Variants in PLPP1 observed in about 807,000 individuals in gnomAD.
PLPP1 encodes the protein lipid phosphate phosphohydrolase 1a.
PLPP1 carries 24 observed loss-of-function variants against 31.2 expected under a neutral mutation model. That is an observed-to-expected ratio of 0.77 (90% confidence interval 0.56 to 1.08). The LOEUF (loss-of-function observed/expected upper bound fraction) is 1.08, where lower values mean the gene tolerates loss of function less well. PLPP1 is among the 50% of genes least tolerant of loss of function. The pLI, the probability that PLPP1 is intolerant of heterozygous loss-of-function variation, is 0.00. For synonymous variants in PLPP1, 146 were observed against 126.3 expected, an observed-to-expected ratio of 1.16 and a Z score of -1.05; for missense variants, 319 against 342.7, an observed-to-expected ratio of 0.93 and a Z score of 0.55.
chr5:55,522,864 G>A lies in PLPP1; in HGVS notation c.58+11708C>T, dbSNP rs1376287182. 2.0e-5 allele frequency among the ~76,000 whole-genome samples: 3 copies of A among 152,106 alleles called. 1 individual carries two copies. The highest frequency in any genetic ancestry group is 1.3e-4 in the Admixed American group (2 of 15,276). On this transcript the variant is annotated intron_variant, in intron 1 of 5. Coordinates refer to ENST00000307259, the MANE Select transcript of PLPP1 (RefSeq NM_003711.4). ...CTCCTGAGTAGCTGGGACTACAGGC[G>A]CCCGCCACCACGCCCAGCTAATTTT... is the stretch of plus-strand genomic sequence containing the variant.
At chr5:55,533,858 G>T (rs1460985172) in intron 1 of PLPP1, among the ~76,000 whole-genome samples, 5 of 152,128 alleles carry the variant, frequency 3.3e-5, no homozygotes, top group South Asian at 4.1e-4. Context: ...CCTCATAACT[G>T]AACTCTTCCA....
At position 55,467,953 on chromosome 5, in the gene PLPP1, G is replaced by A. The variant is rs1350165203; in HGVS notation, c.407C>T (p.Pro136Leu). Residue 136 changes from proline (P) to leucine (L), a missense_variant, in exon 3 of 6, where the codon CCA becomes CTA. Pro to Leu is a moderately conservative substitution (Grantham distance 98, BLOSUM62 -3). Coordinates refer to ENST00000307259, the MANE Select transcript of PLPP1 (RefSeq NM_003711.4). ...LRPHFLDVCD[P>L]DWSKINCSDG... ...GCTGCAGTTGATTTTTGACCAATCT[G>A]GATCACAAACATCCAAGAAGTGAGG... is the stretch of plus-strand genomic sequence containing the variant. 1 of 1,614,104 alleles carries A rather than the reference G, an allele frequency of 6.2e-7. No individual in the cohort carries two copies. The highest frequency in any genetic ancestry group is 1.7e-5 in the Admixed American group (1 of 60,016).
intron 4 of PLPP1, among the ~76,000 whole-genome samples, chr5:55,427,970 A>G (rs1348480171): frequency 6.6e-6 from 1 of 152,040 alleles, no homozygotes; most frequent in East Asian, 1.9e-4. Context: ...TATTTTTAGT[A>G]GGGACGATGT....
intron 1 of PLPP1, among the ~76,000 whole-genome samples, chr5:55,532,811 G>A (rs1460958069): frequency 2.0e-5 from 3 of 152,014 alleles, no homozygotes; most frequent in African/African-American, 7.3e-5. Flanking sequence ...ACGAAAGTTA[G>A]CCGGGCATGG....
chr5:55,454,468 A>G (rs1283028089), intron 3 of PLPP1, among the ~76,000 whole-genome samples: 3 of 152,254 alleles, frequency 2.0e-5, no homozygotes, highest in Non-Finnish European at 4.4e-5. Context: ...GTTACTGGTC[A>G]GTAAATTAGC....
At chr5:55,532,207 G>T (rs1186262382) in intron 1 of PLPP1, among the ~76,000 whole-genome samples, 3 of 152,038 alleles carry the variant, frequency 2.0e-5, no homozygotes, top group Admixed American at 6.6e-5. Flanking sequence ...CTGCATGTCA[G>T]TTCCTCCATT....
chr5:55,443,438 T>C (rs578100087), intron 3 of PLPP1, among the ~76,000 whole-genome samples: 2 of 152,130 alleles, frequency 1.3e-5, no homozygotes, highest in East Asian at 3.9e-4. Context: ...TCAATACGAA[T>C]AGTAATTTTA....
chr5:55,534,704 GC>G lies in PLPP1; in HGVS notation c.-76del. The G allele has an allele frequency of 6.9e-7, 1 of 1,443,704 alleles. No homozygotes were observed. The highest frequency in any genetic ancestry group is 1.3e-5 in the South Asian group (1 of 77,948). 89.4% of individuals were successfully genotyped at this position (1,443,704 alleles called of 1,614,324 possible). ...GGCGGCCGAGGCCCTTGATTCTCGA[GC>G]CCGGGCCGGGGCTGGCGACGGCCCC... On this transcript the variant is annotated 5_prime_UTR_variant, in exon 1 of 6. Transcript: ENST00000307259.
intron 3 of PLPP1, 69 bp from the exon 4 acceptor site, chr5:55,441,977 T>C: frequency 6.8e-7 from 1 of 1,468,182 alleles, no homozygotes. Context: ...ATTTCATAAA[T>C]CTGCTCCTTA....
chr5:55,464,887 C>T (rs906006645), intron 3 of PLPP1, among the ~76,000 whole-genome samples: 6 of 152,088 alleles, frequency 3.9e-5, no homozygotes, highest in African/African-American at 1.2e-4. Flanking sequence ...AATAACTTTA[C>T]AAATTTATTC....
At position 55,481,723 on chromosome 5, in the gene PLPP1, T is replaced by C. The variant is rs369550783; in HGVS notation, c.59-6273A>G. Among the ~76,000 whole-genome samples the C allele has an allele frequency of 3.0e-4, 46 of 152,296 alleles. 1 individual carries two copies. In the South Asian group the frequency reaches 9.1e-3, roughly 30 times the overall value. On this transcript the variant is annotated intron_variant, in intron 1 of 5. Coordinates refer to ENST00000307259, the MANE Select transcript of PLPP1 (RefSeq NM_003711.4). ...AGTAGAGAAGAATGTGGATGTAGGCTAGAAGCCTGAAGAACCCAGACATAT... is the reference window on the plus strand; with the variant it reads ...AGTAGAGAAGAATGTGGATGTAGGCCAGAAGCCTGAAGAACCCAGACATAT...
chr5:55,492,347 C>G (rs1752913720), intron 1 of PLPP1, among the ~76,000 whole-genome samples: 1 of 152,076 alleles, frequency 6.6e-6, no homozygotes, highest in Non-Finnish European at 1.5e-5. Context: ...TGTTCTGTAT[C>G]TTGATTGAGA....
chr5:55,534,564 G>T lies in PLPP1; in HGVS notation c.58+8C>A, dbSNP rs762546207. ...ACACGCCCCTCGGACCCGGCGGCGC[G>T]TACGTACCCAGCAACACGCAGAGCA... On this transcript the variant is annotated splice_region_variant and intron_variant, in intron 1 of 5. Coordinates refer to ENST00000307259, the MANE Select transcript of PLPP1 (RefSeq NM_003711.4). The T allele has an allele frequency of 7.2e-6, 11 of 1,537,060 alleles. No homozygotes were observed. The South Asian group carries it at 1.3e-4, about 19-fold the overall frequency.
At chr5:55,425,410 C>T (rs1561217103) in intron 5 of PLPP1, 76 bp from the exon 6 acceptor site, 4 of 1,326,022 alleles carry the variant, frequency 3.0e-6, no homozygotes, top group Non-Finnish European at 4.2e-6. Flanking sequence ...CAACAGCATC[C>T]TAAGATAAAT....
At chr5:55,512,948 C>T (rs1220917913) in intron 1 of PLPP1, among the ~76,000 whole-genome samples, 1 of 152,146 alleles carries the variant, frequency 6.6e-6, no homozygotes, top group Non-Finnish European at 1.5e-5. Context: ...GAGAAGGTTC[C>T]CCTTTGAAGT....
At chr5:55,512,496 GAAAAGAAAAGAAAAGAAAA>G (rs1753444177) in intron 1 of PLPP1, among the ~76,000 whole-genome samples, 1 of 13,262 alleles carries the variant, frequency 7.5e-5, no homozygotes, top group African/African-American at 1.7e-4. Flanking sequence ...AAGAAAGAAA[GAAAAGAAAAGAAAAGAAAA>G]GAAAGAAAGA....
chr5:55,521,038 C>G (rs1277535252), intron 1 of PLPP1, among the ~76,000 whole-genome samples: 1 of 149,938 alleles, frequency 6.7e-6, no homozygotes, highest in African/African-American at 2.5e-5. Context: ...AGAGTGAGAC[C>G]TCATCTCTAC....
intron 1 of PLPP1, among the ~76,000 whole-genome samples, chr5:55,504,298 G>T (rs1426011332): frequency 4.0e-5 from 6 of 150,792 alleles, no homozygotes; most frequent in Admixed American, 2.0e-4. Context: ...CCAGGAGGCG[G>T]AGGTTGCAGT....
chr5:55,436,030 A>C lies in PLPP1; in HGVS notation c.549+5821T>G, dbSNP rs1432168481. On this transcript the variant is annotated intron_variant, in intron 4 of 5. Coordinates refer to ENST00000307259, the MANE Select transcript of PLPP1 (RefSeq NM_003711.4). ...CTCTGTCTCAGAGAAAAAAAAAAAA[A>C]AAAAAACTTCTTAGCCGGGATATTA... is the stretch of plus-strand genomic sequence containing the variant. Among the ~76,000 whole-genome samples the C allele has an allele frequency of 2.8e-4, 42 of 152,088 alleles. 1 individual carries two copies. In the South Asian group the frequency reaches 8.3e-3, roughly 30 times the overall value.
Sources: allele counts gnomAD v4.1 joint callset (sites outside exome capture counted in the v4.1 genomes callset), GRCh38; gene constraint gnomAD v4.1.1; transcripts MANE v1.5; gene names NCBI Gene and HGNC (gene_info 2026-07-23, HGNC 2026-07-21).